DHTKD1: variants seen among roughly 807,000 people sequenced by gnomAD.
The protein encoded by DHTKD1 is 2-oxoadipate dehydrogenase complex component E1.
Under a neutral mutation model 101.8 loss-of-function variants are expected in DHTKD1, and 78 were observed. The ratio of observed to expected loss-of-function variants is 0.77; its 90% confidence interval spans 0.64 to 0.93. The LOEUF is 0.93. Ranked by LOEUF, DHTKD1 falls within the 40% of genes least tolerant of loss-of-function variation. The pLI is 0.00. For synonymous variants in DHTKD1, 462 were observed against 450.3 expected (o/e 1.03, Z -0.33); for missense variants, 1,223 against 1,161.7 (o/e 1.05, Z -0.77).
intron 4 of DHTKD1, among the ~76,000 whole-genome samples, chr10:12,088,660 T>G (rs1259873620): frequency 2.0e-5 from 3 of 152,062 alleles, no homozygotes; most frequent in Non-Finnish European, 2.9e-5. Flanking sequence ...CTCGGCTCAC[T>G]GCAACCTCCG....
rs770478241 is a variant in DHTKD1 at position 12,097,963 on chromosome 10, G to C, written c.1638G>C (p.Gln546His). The C allele has an allele frequency of 9.3e-6, 15 of 1,613,136 alleles. No homozygotes were observed. The highest frequency in any genetic ancestry group is 1.3e-5 in the Non-Finnish European group (15 of 1,179,254). ...CTGTAGAGGTGCCAAGAGAGCTGCAGATGCACAGTCACCTGCTGAAGACAC... is the reference window on the plus strand; with the variant it reads ...CTGTAGAGGTGCCAAGAGAGCTGCACATGCACAGTCACCTGCTGAAGACAC... Reference protein sequence around the residue: ...MKSVEVPRELQMHSHLLKTHV... With the variant: ...MKSVEVPRELHMHSHLLKTHV... The change falls in exon 8 of 17, where the codon CAG becomes CAC. Residue 546 changes from glutamine (Q) to histidine (H), a missense_variant. Transcript: ENST00000263035.
Position 12,120,220 on chromosome 10 carries a change from C to T in DHTKD1, c.2611C>T (p.Pro871Ser), listed in dbSNP as rs150960212. 5 of 1,613,848 alleles carry T rather than the reference C, an allele frequency of 3.1e-6. No individual in the cohort carries two copies. The highest frequency in any genetic ancestry group is 4.2e-6 in the Non-Finnish European group (5 of 1,179,940). The change falls in exon 16 of 17, where the codon CCG becomes TCG. Residue 871 changes from proline to serine, a missense_variant. Transcript: ENST00000263035. ...TCAGGAGGAACCTCAGAACATGGGTCCGTGGTCGTTTGTTTCTCCAAGGTT... is the reference window on the plus strand; with the variant it reads ...TCAGGAGGAACCTCAGAACATGGGTTCGTGGTCGTTTGTTTCTCCAAGGTT... ...WSQEEPQNMGPWSFVSPRFEK... is the reference protein window; with the variant it reads ...WSQEEPQNMGSWSFVSPRFEK...
rs60154861 is a variant in DHTKD1 at position 12,073,255 on chromosome 10, ACTCCTGAC to A, written c.154+4072_154+4079del. ...ACCATATTGGCCAGGGTGGTATCGAACTCCTGACCTCAAGTGACCCAACAACCTCTGCC... is the reference window on the plus strand; with the variant it reads ...ACCATATTGGCCAGGGTGGTATCGAACTCAAGTGACCCAACAACCTCTGCC... On this transcript the variant is annotated intron_variant, in intron 1 of 16. Transcript: ENST00000263035. Among the ~76,000 whole-genome samples, 410 of 151,258 alleles carry A rather than the reference ACTCCTGAC, an allele frequency of 2.7e-3. 6 individuals are homozygous for A. The East Asian group carries it at 0.074, about 27-fold the overall frequency.
chr10:12,105,887 G>C (rs1244072311), intron 10 of DHTKD1, among the ~76,000 whole-genome samples: 1 of 152,118 alleles, frequency 6.6e-6, no homozygotes, highest in African/African-American at 2.4e-5. Flanking sequence ...CTGAGCTCAG[G>C]AGTTTGAGAC....
At chr10:12,084,976 A>C (rs901168340) in intron 3 of DHTKD1, among the ~76,000 whole-genome samples, 1 of 152,058 alleles carries the variant, frequency 6.6e-6, no homozygotes, top group Admixed American at 6.6e-5. Context: ...GCTTGAACCC[A>C]GGAGGCAGAG....
In DHTKD1 at chr10:12,118,729, G is replaced by A. The variant is rs773973448; in HGVS notation, c.2403-20G>A. The A allele has an allele frequency of 6.7e-7, 1 of 1,484,840 alleles. No homozygotes were observed. The highest frequency in any genetic ancestry group is 2.4e-5 in the Admixed American group (1 of 41,886). 92.0% of individuals were successfully genotyped at this position (1,484,840 alleles called of 1,614,324 possible). A position where few individuals can be genotyped will look rare whatever the true frequency, so the allele number is the denominator to read the frequency against. On this transcript the variant is annotated intron_variant, in intron 14 of 16. Coordinates refer to ENST00000263035, the MANE Select transcript of DHTKD1 (RefSeq NM_018706.7). Reference sequence around the variant, plus strand: ...TAAAAAATTTCTCCCCCACCCTATTGTTCCTTTTCTGTCCAACAGGGTTAA... The same window carrying A: ...TAAAAAATTTCTCCCCCACCCTATTATTCCTTTTCTGTCCAACAGGGTTAA...
chr10:12,119,010 G>A, intron 15 of DHTKD1, 92 bp downstream of exon 15: 1 of 1,312,400 alleles, frequency 7.6e-7, no homozygotes, highest in South Asian at 1.7e-5. Flanking sequence ...GGGGTTATTA[G>A]AAAATTGAAT....
chr10:12,086,274 G>A (rs1832896318), intron 3 of DHTKD1, among the ~76,000 whole-genome samples: 1 of 140,104 alleles, frequency 7.1e-6, no homozygotes, highest in Admixed American at 7.7e-5. Context: ...AGGCTGGAGT[G>A]CAGTGGTATG....
At chr10:12,073,904 T>C (rs1832686250) in intron 1 of DHTKD1, among the ~76,000 whole-genome samples, 1 of 152,226 alleles carries the variant, frequency 6.6e-6, no homozygotes, top group South Asian at 2.1e-4. Context: ...AAATATTTCT[T>C]GAGCGTCTAC....
intron 1 of DHTKD1, among the ~76,000 whole-genome samples, chr10:12,072,354 C>T (rs567113274): frequency 2.0e-5 from 3 of 152,074 alleles, no homozygotes; most frequent in Admixed American, 6.6e-5. Flanking sequence ...ACCGGTTACT[C>T]GGGAGGCTGA....
chr10:12,076,356 G>A (rs1263321475), intron 1 of DHTKD1, among the ~76,000 whole-genome samples: 3 of 152,138 alleles, frequency 2.0e-5, no homozygotes, highest in Non-Finnish European at 2.9e-5. Context: ...CAGGCCTGTA[G>A]TCCCAGCTAC....
chr10:12,100,412 G>A (rs193212965), intron 9 of DHTKD1, 150 bp downstream of exon 9: 21 of 500,560 alleles, frequency 4.2e-5, no homozygotes, highest in African/African-American at 3.5e-4. Context: ...CAAGTAGGGC[G>A]CACCACCATG....
intron 1 of DHTKD1, among the ~76,000 whole-genome samples, chr10:12,073,506 C>CT (rs1164920459): frequency 6.6e-6 from 1 of 152,152 alleles, no homozygotes; most frequent in Non-Finnish European, 1.5e-5. Flanking sequence ...ACCACCATGC[C>CT]TGGCTAATTT....
At chr10:12,089,405 A>C (rs1408253162) in intron 5 of DHTKD1, 150 bp downstream of exon 5, 2 of 835,888 alleles carry the variant, frequency 2.4e-6, no homozygotes, top group African/African-American at 3.4e-5. Flanking sequence ...AAAAACTAAC[A>C]GGAGATTCAT....
rs187678545 is a variant in DHTKD1, at chr10:12,095,780, T to G, written c.1358+1509T>G. Reference sequence around the variant, plus strand: ...GTGAGCCCAGATCGCACCACTGCACTCCAGCCTGGGTGGCATAGCGAGACT... The same window carrying G: ...GTGAGCCCAGATCGCACCACTGCACGCCAGCCTGGGTGGCATAGCGAGACT... On this transcript the variant is annotated intron_variant, in intron 7 of 16. Coordinates refer to ENST00000263035, the MANE Select transcript of DHTKD1 (RefSeq NM_018706.7). Among the ~76,000 whole-genome samples, 1,108 of 117,012 alleles carry G rather than the reference T, an allele frequency of 9.5e-3. 11 individuals are homozygous for G. The highest frequency in any genetic ancestry group is 0.01 in the Non-Finnish European group (635 of 61,468). 76.8% of individuals were successfully genotyped at this position (117,012 alleles called of 152,430 possible). A position where few individuals can be genotyped will look rare whatever the true frequency, so the allele number is the denominator to read the frequency against.
intron 1 of DHTKD1, among the ~76,000 whole-genome samples, chr10:12,075,105 T>C (rs1346621493): frequency 1.3e-5 from 2 of 152,160 alleles, no homozygotes; most frequent in Admixed American, 6.5e-5. Flanking sequence ...AGCAAGACTT[T>C]GTCTCAAAAA....
In DHTKD1 at chr10:12,069,066, G is replaced by T. The variant is rs199768968; in HGVS notation, c.33G>T (p.Arg11=). The part of the protein sequence containing the change: MASATAAAAR[R]GLGRALPLFW... Reference sequence around the variant, plus strand: ...CTGCTACTGCGGCAGCAGCACGACGGGGCCTCGGCCGGGCTCTCCCTCTCT... The same window carrying T: ...CTGCTACTGCGGCAGCAGCACGACGTGGCCTCGGCCGGGCTCTCCCTCTCT... Residue 11 remains arginine (R), a synonymous_variant, in exon 1 of 17, where the codon CGG becomes CGT. Coordinates refer to ENST00000263035, the MANE Select transcript of DHTKD1 (RefSeq NM_018706.7). 2 of 1,612,978 alleles carry T rather than the reference G, an allele frequency of 1.2e-6. No individual in the cohort carries two copies. Among genetic ancestry groups the T allele is most frequent in the Non-Finnish European group, 1.7e-6 (2 of 1,179,640 alleles).
chr10:12,084,305 A>G (rs75515195), intron 2 of DHTKD1, among the ~76,000 whole-genome samples: 1 of 118,320 alleles, frequency 8.5e-6, no homozygotes, highest in Non-Finnish European at 2.0e-5. Flanking sequence ...TTGCCACATG[A>G]TTTTTTTTTT....
At chr10:12,078,443 C>A (rs1028682152) in intron 1 of DHTKD1, among the ~76,000 whole-genome samples, 4 of 150,828 alleles carry the variant, frequency 2.7e-5, no homozygotes, top group Non-Finnish European at 5.9e-5. Flanking sequence ...AAAACAAAAC[C>A]AACAAAAACC....
Sources: allele counts gnomAD v4.1 joint callset (sites outside exome capture counted in the v4.1 genomes callset), GRCh38; gene constraint gnomAD v4.1.1; transcripts MANE v1.5; gene names NCBI Gene and HGNC (gene_info 2026-07-23, HGNC 2026-07-21).